Variants in DOK6 observed in about 807,000 individuals in gnomAD.
DOK6 encodes docking protein 6.
Under a neutral mutation model 44.0 loss-of-function variants are expected in DOK6, and 22 were observed. The observed-to-expected ratio is 0.50, with a 90% CI of 0.36 to 0.71. The LOEUF is 0.71. DOK6 is among the 30% of genes least tolerant of loss of function. The pLI is 0.00. For synonymous variants in DOK6, 166 were observed against 145.5 expected, an observed-to-expected ratio of 1.14 and a Z score of -1.01; for missense variants, 340 against 416.4, an observed-to-expected ratio of 0.82 and a Z score of 1.60.
intron 1 of DOK6, among the ~76,000 whole-genome samples, chr18:69,415,046 A>T (rs1390496238): frequency 6.6e-6 from 1 of 152,134 alleles, no homozygotes; most frequent in Non-Finnish European, 1.5e-5. Context: ...ATTGGGTAGA[A>T]GAACACCAAC....
intron 2 of DOK6, 104 bp downstream of exon 2, chr18:69,564,698 T>G: frequency 1.2e-6 from 1 of 865,850 alleles, no homozygotes; most frequent in Non-Finnish European, 1.7e-6. Flanking sequence ...AATTAATGGC[T>G]TGGGAAAAAT....
chr18:69,749,198 G>T (rs1396746491), intron 6 of DOK6, among the ~76,000 whole-genome samples: 9 of 152,010 alleles, frequency 5.9e-5, no homozygotes, highest in Admixed American at 1.3e-4. Flanking sequence ...AAAATAGCTA[G>T]GCTTAATATC....
chr18:69,697,545 T>C (rs964776482), intron 4 of DOK6, among the ~76,000 whole-genome samples: 1 of 152,136 alleles, frequency 6.6e-6, no homozygotes, highest in African/African-American at 2.4e-5. Flanking sequence ...TGCTAGGAAC[T>C]AGGGATACTT....
In DOK6 at chr18:69,841,249, G is replaced by A; in HGVS notation, c.862G>A (p.Gly288Arg). ...VGEIYSLQGH[G>R]FGSSKMSRAQ... The stretch of plus-strand genomic sequence containing the variant: ...TCTCCTTTCTTCCTCTCTAGGTCAT[G>A]GGTTTGGTTCGTCAAAGATGTCTCG... Residue 288 changes from glycine to arginine, a missense_variant, in exon 8 of 8, where the codon GGG (glycine) becomes AGG (arginine). Transcript: ENST00000382713. 4 of 1,614,214 alleles carry A rather than the reference G, an allele frequency of 2.5e-6. No homozygotes were observed. Among genetic ancestry groups the A allele is most frequent in the Non-Finnish European group, 2.5e-6 (3 of 1,180,036 alleles).
intron 5 of DOK6, among the ~76,000 whole-genome samples, chr18:69,714,338 G>A (rs1043686420): frequency 3.9e-5 from 6 of 152,150 alleles, no homozygotes; most frequent in Non-Finnish European, 7.4e-5. Flanking sequence ...ATGCACACCC[G>A]AAGGCAGAAG....
intron 3 of DOK6, among the ~76,000 whole-genome samples, chr18:69,620,725 G>A (rs1984420959): frequency 6.6e-6 from 1 of 152,136 alleles, no homozygotes; most frequent in African/African-American, 2.4e-5. Flanking sequence ...ATAATCGTAA[G>A]CATTATTAAC....
At chr18:69,767,600 C>A (rs1425547304) in intron 7 of DOK6, among the ~76,000 whole-genome samples, 1 of 152,120 alleles carries the variant, frequency 6.6e-6, no homozygotes, top group Non-Finnish European at 1.5e-5. Flanking sequence ...CTTACCCTCC[C>A]ACCCCAAATC....
intron 5 of DOK6, among the ~76,000 whole-genome samples, chr18:69,719,297 A>T (rs1859894059): frequency 6.6e-6 from 1 of 152,186 alleles, no homozygotes; most frequent in South Asian, 2.1e-4. Context: ...TCATGCACTG[A>T]GTCAGTTTCT....
At chr18:69,423,059 T>C (rs929236831) in intron 1 of DOK6, among the ~76,000 whole-genome samples, 1 of 152,138 alleles carries the variant, frequency 6.6e-6, no homozygotes, top group African/African-American at 2.4e-5. Flanking sequence ...ATCCCGGGAC[T>C]TTGGGAGACT....
chr18:69,462,771 T>C (rs1979822550), intron 1 of DOK6, among the ~76,000 whole-genome samples: 1 of 152,220 alleles, frequency 6.6e-6, no homozygotes, highest in African/African-American at 2.4e-5. Flanking sequence ...TTAATAGCAT[T>C]TAAGCATTGG....
chr18:69,781,735 G>A (rs1980275446), intron 7 of DOK6, among the ~76,000 whole-genome samples: 1 of 152,040 alleles, frequency 6.6e-6, no homozygotes, highest in African/African-American at 2.4e-5. Flanking sequence ...ACCATTTTAT[G>A]CAAATGACAT....
chr18:69,827,265 A>G (rs984107696), intron 7 of DOK6, among the ~76,000 whole-genome samples: 1 of 152,024 alleles, frequency 6.6e-6, no homozygotes, highest in African/African-American at 2.4e-5. Context: ...TCCATTCCCA[A>G]TCTCATCTGC....
At chr18:69,757,167 CCT>C (rs1979381719) in intron 6 of DOK6, among the ~76,000 whole-genome samples, 1 of 152,074 alleles carries the variant, frequency 6.6e-6, no homozygotes, top group African/African-American at 2.4e-5. Flanking sequence ...TCAGAGAATA[CCT>C]TTTTTAATAT....
chr18:69,513,838 AAAGAT>A (rs1363907360), intron 1 of DOK6, among the ~76,000 whole-genome samples: 1 of 152,222 alleles, frequency 6.6e-6, no homozygotes, highest in Non-Finnish European at 1.5e-5. Context: ...TTATCAAAGA[AAAGAT>A]AAGTGAAAAT....
intron 1 of DOK6, among the ~76,000 whole-genome samples, chr18:69,532,154 C>T (rs920725941): frequency 1.3e-5 from 2 of 152,170 alleles, no homozygotes; most frequent in African/African-American, 2.4e-5. Context: ...GAGAAATAAA[C>T]GTCTGTTGTT....
At chr18:69,836,997 A>G (rs1185717206) in intron 7 of DOK6, among the ~76,000 whole-genome samples, 1 of 152,220 alleles carries the variant, frequency 6.6e-6, no homozygotes, top group Non-Finnish European at 1.5e-5. Context: ...TCATTTGTGA[A>G]TTATCTGTAA....
intron 1 of DOK6, among the ~76,000 whole-genome samples, chr18:69,452,535 G>T (rs1254178651): frequency 7.3e-6 from 1 of 136,248 alleles, no homozygotes; most frequent in Non-Finnish European, 1.6e-5. Flanking sequence ...AATAGAAAAA[G>T]AGGGAATCCT....
At chr18:69,713,499 C>G (rs540343436) in intron 5 of DOK6, among the ~76,000 whole-genome samples, 1 of 152,136 alleles carries the variant, frequency 6.6e-6, no homozygotes, top group Non-Finnish European at 1.5e-5. Context: ...TACTTATGTA[C>G]AGGCAGAATT....
chr18:69,591,887 T>A (rs940378506), intron 2 of DOK6, among the ~76,000 whole-genome samples: 3 of 152,092 alleles, frequency 2.0e-5, no homozygotes, highest in Non-Finnish European at 4.4e-5. Context: ...CATATCTGTA[T>A]AAGGCCTTAT....
Sources: allele counts gnomAD v4.1 joint callset (sites outside exome capture counted in the v4.1 genomes callset), GRCh38; gene constraint gnomAD v4.1.1; transcripts MANE v1.5; gene names NCBI Gene and HGNC (gene_info 2026-07-23, HGNC 2026-07-21).